The following NTN1 variants were observed in gnomAD, a reference collection of about 807,000 sequenced individuals.
NTN1 encodes the protein netrin-1.
NTN1 carries 11 observed loss-of-function variants against 54.2 expected under a neutral mutation model. That is an observed-to-expected ratio of 0.20 (90% confidence interval 0.13 to 0.34). NTN1 has a LOEUF of 0.34. NTN1 is among the 10% of genes least tolerant of loss of function. NTN1 has a pLI of 1.00. For missense variants in NTN1, 740 were observed against 893.1 expected, an observed-to-expected ratio of 0.83 and a Z score of 2.18; for synonymous variants, 371 against 382.0, an observed-to-expected ratio of 0.97 and a Z score of 0.33.
At position 9,219,173 on chromosome 17, in the gene NTN1, G is replaced by A. The variant is rs984866048; in HGVS notation, c.1412-1995G>A. On this transcript the variant is annotated intron_variant, in intron 5 of 6. Coordinates refer to ENST00000173229, the MANE Select transcript of NTN1 (RefSeq NM_004822.3). The surrounding 1 kb of genome is among the most constrained non-coding windows in gnomAD (Gnocchi z 4.5). The stretch of plus-strand genomic sequence containing the variant: ...CTGTTCCTCACAGGGAAGTGCGGCC[G>A]CGGTGCTGATGGTGCTGATGGCGCC... Among the ~76,000 whole-genome samples, 1 of 152,182 alleles carries A rather than the reference G, an allele frequency of 6.6e-6. No individual in the cohort carries two copies. Among genetic ancestry groups the A allele is most frequent in the African/African-American group, 2.4e-5 (1 of 41,436 alleles).
At chr17:9,152,003 G>C (rs1452903759) in intron 2 of NTN1, among the ~76,000 whole-genome samples, 1 of 152,184 alleles carries the variant, frequency 6.6e-6, no homozygotes, top group Non-Finnish European at 1.5e-5. Context: ...ACTCTGATAG[G>C]ACAGAAATGG....
At chr17:9,015,001 G>C in the NTN1 span, among the ~76,000 whole-genome samples, 4 of 152,156 alleles carry the variant, frequency 2.6e-5, no homozygotes, top group Non-Finnish European at 4.4e-5. Flanking sequence ...CAGTAAAATG[G>C]ACACAATAAT....
rs528422821 is a variant in NTN1 at position 9,213,207 on chromosome 17, A to G, written c.1412-7961A>G. Reference sequence around the variant, plus strand: ...GCGAGCCAGGCAGATGGTGGCCTCCAGGTCTCAGTGGCTCTCCCTGGGACA... The same window carrying G: ...GCGAGCCAGGCAGATGGTGGCCTCCGGGTCTCAGTGGCTCTCCCTGGGACA... On this transcript the variant is annotated intron_variant, in intron 5 of 6. Coordinates refer to ENST00000173229, the MANE Select transcript of NTN1 (RefSeq NM_004822.3). Among the ~76,000 whole-genome samples, 7 of 152,302 alleles carry G rather than the reference A, an allele frequency of 4.6e-5. No individual in the cohort carries two copies. In the East Asian group the frequency reaches 1.2e-3, roughly 25 times the overall value.
chr17:9,160,859 A>C (rs551327249), intron 2 of NTN1, among the ~76,000 whole-genome samples: 43 of 152,244 alleles, frequency 2.8e-4, no homozygotes, highest in African/African-American at 8.7e-4. Flanking sequence ...TGGGAGGCTG[A>C]GGTGGGAGGA....
At chr17:9,173,567 C>T (rs1276868199) in intron 3 of NTN1, 2 of 152,448 alleles carry the variant, frequency 1.3e-5, no homozygotes, top group Non-Finnish European at 2.9e-5. Flanking sequence ...GCCGTGGGGC[C>T]TGTCCACAGG....
chr17:9,105,049 G>T (rs569061136), intron 2 of NTN1, among the ~76,000 whole-genome samples: 1 of 152,304 alleles, frequency 6.6e-6, no homozygotes, highest in African/African-American at 2.4e-5. Flanking sequence ...TGTGGGGCCC[G>T]TGAGAGACCC....
At chr17:9,137,081 C>G (rs980889394) in intron 2 of NTN1, among the ~76,000 whole-genome samples, 3 of 152,090 alleles carry the variant, frequency 2.0e-5, no homozygotes, top group Non-Finnish European at 4.4e-5. Context: ...CTCCACACAC[C>G]CTGCTCCTAT....
the NTN1 span, among the ~76,000 whole-genome samples, chr17:9,015,652 C>T: frequency 6.6e-6 from 1 of 152,102 alleles, no homozygotes; most frequent in Non-Finnish European, 1.5e-5. Flanking sequence ...AGTTGCACTG[C>T]AGTCCTTCTC....
chr17:9,087,709 A>C (rs2092094275), intron 2 of NTN1, among the ~76,000 whole-genome samples: 1 of 152,214 alleles, frequency 6.6e-6, no homozygotes, highest in Non-Finnish European at 1.5e-5. Flanking sequence ...GAGAGTTCTC[A>C]GCTCTCTTTT....
chr17:9,226,242 G>A (rs1217492838), intron 6 of NTN1, among the ~76,000 whole-genome samples: 1 of 152,080 alleles, frequency 6.6e-6, no homozygotes, highest in Non-Finnish European at 1.5e-5. Flanking sequence ...CGCTGGAGAC[G>A]CAGGTTCCTA....
chr17:9,040,121 C>G (rs1481760835), intron 2 of NTN1, among the ~76,000 whole-genome samples: 1 of 152,148 alleles, frequency 6.6e-6, no homozygotes, highest in Non-Finnish European at 1.5e-5. Flanking sequence ...TATGAGAGTT[C>G]TAGTTTCTCC....
intron 2 of NTN1, among the ~76,000 whole-genome samples, chr17:9,125,830 A>G (rs1162785348): frequency 2.0e-5 from 3 of 152,186 alleles, no homozygotes; most frequent in Admixed American, 2.0e-4. Flanking sequence ...TGCTCCATAA[A>G]TGTGTATTAA....
chr17:9,187,511 G>A (rs532642994), intron 5 of NTN1, among the ~76,000 whole-genome samples: 145 of 152,220 alleles, frequency 9.5e-4, no homozygotes, highest in African/African-American at 9.4e-4. Context: ...CTATTATTTA[G>A]CCATAAGAAG....
At position 9,239,788 on chromosome 17, in the gene NTN1, G is replaced by A; in HGVS notation, c.1635G>A (p.Lys545=). 1 of 1,613,812 alleles carries A rather than the reference G, an allele frequency of 6.2e-7. No individual in the cohort carries two copies. The highest frequency in any genetic ancestry group is 8.5e-7 in the Non-Finnish European group (1 of 1,180,022). Residue 545 remains lysine, a synonymous_variant, in exon 7 of 7, where the codon AAG becomes AAA. Transcript: ENST00000173229. The surrounding 1 kb of genome is among the most constrained non-coding windows in gnomAD (Gnocchi z 5.2). ...TCCGCTCGCGGGACATCGCCTGCAA[G>A]TGTCCCAAAATCAAGCCCCTCAAGA... is the stretch of plus-strand genomic sequence containing the variant. ...LWIRSRDIAC[K]CPKIKPLKKY...
At position 9,239,746 on chromosome 17, in the gene NTN1, T is replaced by G; in HGVS notation, c.1593T>G (p.Gly531=). ...AGGGCACGAGCCGCATCCGCCGCGG[T>G]GACCAGAGCCTGTGGATCCGCTCGC... is the stretch of plus-strand genomic sequence containing the variant. ...YKQGTSRIRR[G]DQSLWIRSRD... The change falls in exon 7 of 7, where the codon GGT becomes GGG. Residue 531 remains glycine, a synonymous_variant. Transcript: ENST00000173229. The surrounding 1 kb of genome is among the most constrained non-coding windows in gnomAD (Gnocchi z 5.2). 1 of 1,613,738 alleles carries G rather than the reference T, an allele frequency of 6.2e-7. No homozygotes were observed. Among genetic ancestry groups the G allele is most frequent in the Non-Finnish European group, 8.5e-7 (1 of 1,180,020 alleles).
intron 6 of NTN1, among the ~76,000 whole-genome samples, chr17:9,233,438 G>T (rs1211244863): frequency 6.6e-6 from 1 of 151,994 alleles, no homozygotes; most frequent in Non-Finnish European, 1.5e-5. Context: ...CCAGCAGGAG[G>T]TCCACCAAAT....
intron 2 of NTN1, among the ~76,000 whole-genome samples, chr17:9,116,370 C>T (rs1468675443): frequency 6.7e-6 from 1 of 148,834 alleles, no homozygotes; most frequent in East Asian, 2.1e-4. Flanking sequence ...GGGCCTTAGC[C>T]TCCCCATCTT....
intron 2 of NTN1, among the ~76,000 whole-genome samples, chr17:9,033,494 A>G (rs2091893824): frequency 6.6e-6 from 1 of 152,218 alleles, no homozygotes; most frequent in African/African-American, 2.4e-5. Flanking sequence ...AGTTCTGGCC[A>G]GGCACAGCAG....
At chr17:9,057,913 A>C (rs934852094) in intron 2 of NTN1, among the ~76,000 whole-genome samples, 2 of 152,230 alleles carry the variant, frequency 1.3e-5, no homozygotes, top group African/African-American at 4.8e-5. Context: ...TTGGAGACAG[A>C]GTCTCGCTGT....
Sources: gnomAD v4.1 joint callset for allele counts (sites outside exome capture counted in the v4.1 genomes callset) on GRCh38, gnomAD v4.1.1 for gene constraint, Gnocchi (gnomAD v3.1) non-coding constraint, MANE v1.5 for transcripts, NCBI Gene and HGNC (gene_info 2026-07-23, HGNC 2026-07-21) for gene names.